Variants in MRPS14 observed in about 807,000 individuals in gnomAD.
The protein encoded by MRPS14 is mitochondrial ribosomal protein S14.
A neutral mutation model predicts 16.4 loss-of-function variants in MRPS14; 14 were observed. The observed-to-expected ratio is 0.85, with a 90% CI of 0.56 to 1.33. The LOEUF is 1.33. Ranked by LOEUF, MRPS14 falls within the 40% of genes most tolerant of loss-of-function variation. The pLI, the probability that MRPS14 is intolerant of heterozygous loss-of-function variation, is 0.00. For synonymous variants in MRPS14, 54 were observed against 61.9 expected (o/e 0.87, Z 0.60); for missense variants, 162 against 176.8 (o/e 0.92, Z 0.48).
At chr1:175,017,823 C>T (rs915824841) in intron 2 of MRPS14, among the ~76,000 whole-genome samples, 3 of 152,154 alleles carry the variant, frequency 2.0e-5, no homozygotes, top group African/African-American at 7.2e-5. Context: ...CAATGCCTTG[C>T]CAGTTAAAAG....
intron 2 of MRPS14, 108 bp from the exon 3 acceptor site, chr1:175,014,959 C>CA: frequency 1.0e-6 from 1 of 1,002,638 alleles, no homozygotes. Flanking sequence ...TTTTTTGAGA[C>CA]AGAGTCTCGC....
intron 1 of MRPS14, 30 bp from the exon 2 acceptor site, chr1:175,018,606 G>C: frequency 6.4e-7 from 1 of 1,552,868 alleles, no homozygotes; most frequent in Non-Finnish European, 8.7e-7. Flanking sequence ...GACAAGTGAA[G>C]GATAGCCAGG....
rs1353224840 is a variant in MRPS14 at position 175,014,623 on chromosome 1, C to A, written c.*46G>T. 6.4e-7 allele frequency: 1 copy of A among 1,551,640 alleles called. No individual in the cohort carries two copies. The highest frequency in any genetic ancestry group is 2.1e-5 in the Admixed American group (1 of 47,782). ...TAAAAAAAATCTTTGCTTGCTGGAA[C>A]TGCAAGCTTGGCTTCCCTGCAAGCT... On this transcript the variant is annotated 3_prime_UTR_variant, in exon 3 of 3. Transcript: ENST00000476371.
rs565405143 is a variant in MRPS14, at chr1:175,022,516, G to C, written c.45+848C>G. 5 of 150,870 alleles carry C rather than the reference G, an allele frequency of 3.3e-5. No individual in the cohort carries two copies. In the South Asian group the frequency reaches 1.0e-3, roughly 32 times the overall value. 9.3% of individuals were successfully genotyped at this position (150,870 alleles called of 1,614,324 possible). A position where few individuals can be genotyped will look rare whatever the true frequency, so the allele number is the denominator to read the frequency against. On this transcript the variant is annotated intron_variant, in intron 1 of 2. Transcript: ENST00000476371. ...AAGTGAAAAAGTGGGAGTGGAGAAGGAACAAATAAATCTGTAACTGGTTGT... is the reference window on the plus strand; with the variant it reads ...AAGTGAAAAAGTGGGAGTGGAGAAGCAACAAATAAATCTGTAACTGGTTGT...
intron 1 of MRPS14, chr1:175,023,135 G>T: frequency 9.6e-7 from 1 of 1,038,564 alleles, no homozygotes; most frequent in Non-Finnish European, 1.4e-6. Context: ...TTACAAATCG[G>T]AGTCAATCTC....
chr1:175,015,301 C>T (rs1304924142), intron 2 of MRPS14, among the ~76,000 whole-genome samples: 1 of 152,156 alleles, frequency 6.6e-6, no homozygotes, highest in East Asian at 1.9e-4. Context: ...ATCCATCCTA[C>T]ATTTGATGGT....
At chr1:175,018,106 A>G (rs1203262106) in intron 2 of MRPS14, among the ~76,000 whole-genome samples, 1 of 152,042 alleles carries the variant, frequency 6.6e-6, no homozygotes, top group East Asian at 1.9e-4. Context: ...CCTGGGGAAC[A>G]GAGCGAGACT....
At chr1:175,015,480 A>G (rs2149414242) in intron 2 of MRPS14, among the ~76,000 whole-genome samples, 1 of 152,320 alleles carries the variant, frequency 6.6e-6, no homozygotes, top group South Asian at 2.1e-4. Context: ...AGATAAGACT[A>G]GAGAAGGAGG....
chr1:175,014,220 A>G lies in MRPS14; in HGVS notation c.*449T>C. The G allele has an allele frequency of 4.7e-6, 1 of 213,448 alleles. No homozygotes were observed. The highest frequency in any genetic ancestry group is 2.3e-5 in the African/African-American group (1 of 44,028). The allele number at this position is 213,448 out of a possible 1,614,324, so 13.2% of individuals were successfully genotyped here. ...CCTTGCTATCCAATCTGTTTATCTA[A>G]CAATAATAGTTAAGGGGAGCTCTGC... On this transcript the variant is annotated 3_prime_UTR_variant, in exon 3 of 3. Coordinates refer to ENST00000476371, the MANE Select transcript of MRPS14 (RefSeq NM_022100.3).
At chr1:175,021,738 TC>T (rs1672982112) in intron 1 of MRPS14, among the ~76,000 whole-genome samples, 1 of 152,166 alleles carries the variant, frequency 6.6e-6, no homozygotes, top group African/African-American at 2.4e-5. Flanking sequence ...GACCATTCCT[TC>T]TGTCCATTTC....
At position 175,016,214 on chromosome 1, in the gene MRPS14, A is replaced by G. The variant is rs1672880619; in HGVS notation, c.205-1363T>C. On this transcript the variant is annotated intron_variant, in intron 2 of 2. Transcript: ENST00000476371. ...CATCTCAAAAAAAAAAAAACAAAAA[A>G]AAACCATGATTGAGCCATTGAGTAG... 3.3e-5 allele frequency among the ~76,000 whole-genome samples: 5 copies of G among 152,090 alleles called. No individual in the cohort carries two copies. In the South Asian group the frequency reaches 8.3e-4, roughly 25 times the overall value.
chr1:175,023,150 C>A, intron 1 of MRPS14: 1 of 1,207,368 alleles, frequency 8.3e-7, no homozygotes, highest in Non-Finnish European at 1.1e-6. Flanking sequence ...AATCTCACAT[C>A]TTCCAATACC....
At chr1:175,021,865 A>T (rs1359321253) in intron 1 of MRPS14, among the ~76,000 whole-genome samples, 1 of 152,214 alleles carries the variant, frequency 6.6e-6, no homozygotes, top group Non-Finnish European at 1.5e-5. Context: ...AAATCAAAAG[A>T]GCATTTCTAT....
At chr1:175,023,172 T>C (rs892958482) in intron 1 of MRPS14, 192 bp downstream of exon 1, 15 of 1,400,722 alleles carry the variant, frequency 1.1e-5, no homozygotes, top group African/African-American at 1.4e-5. Context: ...GTTAGTCATA[T>C]GCTTACGAAA....
intron 2 of MRPS14, among the ~76,000 whole-genome samples, chr1:175,017,489 T>C (rs12124150): frequency 0.16 from 23,704 of 152,182 alleles, 2,498 homozygotes; most frequent in Non-Finnish European, 0.23. Flanking sequence ...TAGTAATAAA[T>C]AGGATGTATA....
chr1:175,013,120 G>T lies in MRPS14; in HGVS notation c.*1549C>A, dbSNP rs952282691. 1 of 152,192 alleles carries T rather than the reference G, an allele frequency of 6.6e-6. No individual in the cohort carries two copies. The highest frequency in any genetic ancestry group is 2.4e-5 in the African/African-American group (1 of 41,452). The allele number at this position is 152,192 out of a possible 1,614,324, so 9.4% of individuals were successfully genotyped here. A position where few individuals can be genotyped will look rare whatever the true frequency, so the allele number is the denominator to read the frequency against. ...GGATTCTAAGTTGAGATATTAGCTA[G>T]AACATTCCAGTTGGTAAGTTGTCAT... On this transcript the variant is annotated 3_prime_UTR_variant, in exon 3 of 3. Transcript: ENST00000476371.
chr1:175,013,747 T>C lies in MRPS14; in HGVS notation c.*922A>G, dbSNP rs949321482. On this transcript the variant is annotated 3_prime_UTR_variant, in exon 3 of 3. Coordinates refer to ENST00000476371, the MANE Select transcript of MRPS14 (RefSeq NM_022100.3). ...AATACGGGCCTTGTCTTGTGCTTCA[T>C]ATTTCTGATCTACTGAAGTGACTGT... The C allele has an allele frequency of 2.6e-5, 4 of 152,222 alleles. No homozygotes were observed. Among genetic ancestry groups the C allele is most frequent in the Non-Finnish European group, 5.9e-5 (4 of 68,034 alleles). 9.4% of individuals were successfully genotyped at this position (152,222 alleles called of 1,614,324 possible).
At position 175,014,458 on chromosome 1, in the gene MRPS14, ATGTT is replaced by A. The variant is rs1236278951; in HGVS notation, c.*207_*210del. 2.7e-5 allele frequency: 14 copies of A among 512,802 alleles called. No individual in the cohort carries two copies. Among genetic ancestry groups the A allele is most frequent in the African/African-American group, 9.6e-5 (5 of 51,814 alleles). 31.8% of individuals were successfully genotyped at this position (512,802 alleles called of 1,614,324 possible). ...TCTTTGTACTATGTATGGGAACAGT[ATGTT>A]TGTTAAGTCCAAGAGAAAAGATAAT... On this transcript the variant is annotated 3_prime_UTR_variant, in exon 3 of 3. Coordinates refer to ENST00000476371, the MANE Select transcript of MRPS14 (RefSeq NM_022100.3).
chr1:175,019,303 A>T (rs1672936492), intron 1 of MRPS14, among the ~76,000 whole-genome samples: 1 of 152,016 alleles, frequency 6.6e-6, no homozygotes, highest in African/African-American at 2.4e-5. Flanking sequence ...CTTTTTTGAG[A>T]TGGAATCTAG....
Sources: gnomAD v4.1 joint callset for allele counts (sites outside exome capture counted in the v4.1 genomes callset) on GRCh38, gnomAD v4.1.1 for gene constraint, MANE v1.5 for transcripts, NCBI Gene and HGNC (gene_info 2026-07-23, HGNC 2026-07-21) for gene names.